ARHGAP15: variants seen among roughly 807,000 people sequenced by gnomAD.
ARHGAP15 encodes the protein rho GTPase-activating protein 15.
In ARHGAP15, 51 loss-of-function variants were observed where a neutral mutation model predicts 63.7. The observed-to-expected ratio is 0.80, with a 90% CI of 0.64 to 1.01. The LOEUF is 1.01. ARHGAP15 is among the 50% of genes least tolerant of loss of function. The pLI, the probability that ARHGAP15 is intolerant of heterozygous loss-of-function variation, is 0.00. For synonymous variants in ARHGAP15, 191 were observed against 193.8 expected, an observed-to-expected ratio of 0.99 and a Z score of 0.12; for missense variants, 560 against 564.6, an observed-to-expected ratio of 0.99 and a Z score of 0.08.
At chr2:143,723,395 TTC>T (rs1235575114) in intron 13 of ARHGAP15, among the ~76,000 whole-genome samples, 3 of 152,210 alleles carry the variant, frequency 2.0e-5, no homozygotes, top group African/African-American at 4.8e-5. Context: ...AAGCCAACAG[TTC>T]TCTTAACGTG....
intron 6 of ARHGAP15, among the ~76,000 whole-genome samples, chr2:143,262,788 T>A (rs1680794846): frequency 6.6e-6 from 1 of 152,156 alleles, no homozygotes; most frequent in Non-Finnish European, 1.5e-5. Context: ...ATAGTTACCA[T>A]GCAGTGGTCA....
intron 5 of ARHGAP15, among the ~76,000 whole-genome samples, chr2:143,239,816 C>T (rs755632822): frequency 1.3e-4 from 19 of 151,898 alleles, no homozygotes; most frequent in African/African-American, 2.2e-4. Flanking sequence ...CATGGAGAAA[C>T]CCCATCTCTA....
At chr2:143,554,911 C>T (rs1695724117) in intron 10 of ARHGAP15, among the ~76,000 whole-genome samples, 1 of 152,142 alleles carries the variant, frequency 6.6e-6, no homozygotes, top group East Asian at 1.9e-4. Context: ...ACTTTCACCA[C>T]TGGCTAACTG....
chr2:143,214,007 AC>A (rs1692652779), intron 3 of ARHGAP15, among the ~76,000 whole-genome samples: 1 of 151,992 alleles, frequency 6.6e-6, no homozygotes, highest in African/African-American at 2.4e-5. Flanking sequence ...TACACCTTAA[AC>A]CTGTTTATGT....
At chr2:143,316,876 A>C (rs530375381) in intron 6 of ARHGAP15, among the ~76,000 whole-genome samples, 22 of 152,220 alleles carry the variant, frequency 1.4e-4, no homozygotes, top group African/African-American at 4.8e-4. Context: ...ATATTTTCCA[A>C]AAGTAGTCAA....
chr2:143,149,495 A>G (rs1199234546), intron 1 of ARHGAP15, among the ~76,000 whole-genome samples: 1 of 152,060 alleles, frequency 6.6e-6, no homozygotes, highest in East Asian at 1.9e-4. Flanking sequence ...TTCTCAAAGC[A>G]AAAATCCCTG....
chr2:143,668,630 TAA>T (rs1682360176), intron 12 of ARHGAP15, among the ~76,000 whole-genome samples: 1 of 152,240 alleles, frequency 6.6e-6, no homozygotes, highest in Non-Finnish European at 1.5e-5. Context: ...CATCTCAGTC[TAA>T]ATAAGTCACC....
chr2:143,613,002 C>T (rs1232132996), intron 11 of ARHGAP15, among the ~76,000 whole-genome samples: 2 of 152,180 alleles, frequency 1.3e-5, no homozygotes, highest in African/African-American at 2.4e-5. Flanking sequence ...AGTTTGTAGG[C>T]CTATCTCCTT....
At chr2:143,528,402 C>T (rs1021098925) in intron 10 of ARHGAP15, among the ~76,000 whole-genome samples, 1 of 151,838 alleles carries the variant, frequency 6.6e-6, no homozygotes, top group Non-Finnish European at 1.5e-5. Context: ...TTTCCATGTA[C>T]CTCTCAGGAA....
chr2:143,611,637 A>C (rs915323924), intron 11 of ARHGAP15, among the ~76,000 whole-genome samples: 20 of 152,122 alleles, frequency 1.3e-4, no homozygotes, highest in Non-Finnish European at 2.2e-4. Flanking sequence ...TTGTCTGTCC[A>C]GTCTTTATCT....
chr2:143,449,726 T>A (rs1690312653), intron 8 of ARHGAP15, among the ~76,000 whole-genome samples: 1 of 152,096 alleles, frequency 6.6e-6, no homozygotes, highest in African/African-American at 2.4e-5. Context: ...AAATAAAGTC[T>A]GATTAACCCT....
intron 10 of ARHGAP15, among the ~76,000 whole-genome samples, chr2:143,536,450 G>C (rs1339878256): frequency 6.6e-6 from 1 of 151,524 alleles, no homozygotes; most frequent in Non-Finnish European, 1.5e-5. Flanking sequence ...GTGTACATGT[G>C]CCATGTTGGG....
At chr2:143,699,818 T>C (rs184763802) in intron 12 of ARHGAP15, among the ~76,000 whole-genome samples, 106 of 152,340 alleles carry the variant, frequency 7.0e-4, no homozygotes, top group African/African-American at 2.3e-3. Flanking sequence ...AACATTTATA[T>C]AGTACTTTGT....
chr2:143,606,940 T>C (rs181359932), intron 11 of ARHGAP15: 1 of 152,342 alleles, frequency 6.6e-6, no homozygotes, highest in African/African-American at 2.4e-5. Context: ...GGAAAGCCAA[T>C]GTAAAAGGTA....
At position 143,606,035 on chromosome 2, in the gene ARHGAP15, C is replaced by CAAAAAAAAAAAAAAAAA. The variant is rs869266541; in HGVS notation, c.1004-18079_1004-18063dup. ...TGGGCGCCAGAGCAAGACTCTGTCTCAAAAAAAAAAAAAAAAAAAAAAAAA... is the reference window on the plus strand; with the variant it reads ...TGGGCGCCAGAGCAAGACTCTGTCTCAAAAAAAAAAAAAAAAAAAAAAAAAAAAAAAAAAAAAAAAAA... On this transcript the variant is annotated intron_variant, in intron 11 of 13. Transcript: ENST00000295095. Among the ~76,000 whole-genome samples the CAAAAAAAAAAAAAAAAA allele has an allele frequency of 7.9e-4, 18 of 22,872 alleles. 5 individuals are homozygous for CAAAAAAAAAAAAAAAAA. The highest frequency in any genetic ancestry group is 4.6e-3 in the East Asian group (2 of 434). The allele number at this position is 22,872 out of a possible 152,430, so 15.0% of individuals were successfully genotyped here. A position where few individuals can be genotyped will look rare whatever the true frequency, so the allele number is the denominator to read the frequency against.
chr2:143,764,352 G>C (rs1043845612), intron 13 of ARHGAP15, among the ~76,000 whole-genome samples: 1 of 152,126 alleles, frequency 6.6e-6, no homozygotes, highest in Non-Finnish European at 1.5e-5. Flanking sequence ...CAGACACGCA[G>C]CTCTAGCCTC....
chr2:143,417,272 G>A (rs2381451), intron 6 of ARHGAP15, among the ~76,000 whole-genome samples: 34,626 of 151,922 alleles, frequency 0.23, 4,592 homozygotes, highest in Admixed American at 0.33. Flanking sequence ...ATCTGTGCCT[G>A]ATGATCACAC....
intron 11 of ARHGAP15, among the ~76,000 whole-genome samples, chr2:143,569,232 A>G (rs555585374): frequency 3.2e-4 from 49 of 152,348 alleles, no homozygotes; most frequent in Non-Finnish European, 5.3e-4. Flanking sequence ...TATTCATTCA[A>G]AAATATTTCT....
intron 6 of ARHGAP15, among the ~76,000 whole-genome samples, chr2:143,320,574 C>A (rs1262827216): frequency 7.2e-5 from 11 of 151,984 alleles, no homozygotes; most frequent in Admixed American, 7.2e-4. Context: ...CGGGACGCTA[C>A]AATCTAACTG....
Sources: gnomAD v4.1 joint callset for allele counts (sites outside exome capture counted in the v4.1 genomes callset) on GRCh38, gnomAD v4.1.1 for gene constraint, MANE v1.5 for transcripts, NCBI Gene and HGNC (gene_info 2026-07-23, HGNC 2026-07-21) for gene names.